Variants in CGNL1 observed in about 807,000 individuals in gnomAD.
CGNL1 encodes the protein cingulin like 1.
Under a neutral mutation model 141.2 loss-of-function variants are expected in CGNL1, and 132 were observed. That is an observed-to-expected ratio of 0.93 (90% confidence interval 0.81 to 1.08). The LOEUF (loss-of-function observed/expected upper bound fraction) is 1.08. CGNL1 is among the 50% of genes least tolerant of loss of function. The pLI, the probability that CGNL1 is intolerant of heterozygous loss-of-function variation, is 0.00. For missense variants in CGNL1, 1,870 were observed against 1,588.6 expected (o/e 1.18, Z -3.01); for synonymous variants, 690 against 622.1 (o/e 1.11, Z -1.63).
intron 14 of CGNL1, among the ~76,000 whole-genome samples, chr15:57,537,675 A>T (rs1432554182): frequency 2.0e-5 from 3 of 152,202 alleles, no homozygotes; most frequent in Non-Finnish European, 4.4e-5. Context: ...GCTTTCCATT[A>T]ACCCAAAAGG....
chr15:57,530,383 T>C (rs1463940991), intron 13 of CGNL1, among the ~76,000 whole-genome samples: 3 of 152,242 alleles, frequency 2.0e-5, no homozygotes. Context: ...CCTGCTACCA[T>C]GAGATGCGCT....
intron 12 of CGNL1, 33 bp from the exon 13 acceptor site, chr15:57,528,621 C>G: frequency 6.2e-7 from 1 of 1,611,184 alleles, no homozygotes. Flanking sequence ...TTGATGCACC[C>G]CAGAAAACCA....
chr15:57,523,187 C>G (rs1433271343), intron 10 of CGNL1, among the ~76,000 whole-genome samples: 3 of 152,184 alleles, frequency 2.0e-5, no homozygotes. Context: ...TTCAGGTTTT[C>G]AGACACCATC....
Position 57,524,828 on chromosome 15 carries a change from A to T in CGNL1, c.3039+77A>T, listed in dbSNP as rs535368374. 7.1e-5 allele frequency: 101 copies of T among 1,421,732 alleles called. No homozygotes were observed. In the Admixed American group the frequency reaches 1.2e-3, roughly 17 times the overall value. The allele number at this position is 1,421,732 out of a possible 1,614,324, so 88.1% of individuals were successfully genotyped here. On this transcript the variant is annotated intron_variant, in intron 12 of 18. Transcript: ENST00000281282. ...TTGCCCTGAAAGTCTTCTGTGAGGG[A>T]CTTGGGGGTAGATTCGTGAGACAGC...
At chr15:57,408,382 C>G (rs995961234) in intron 1 of CGNL1, among the ~76,000 whole-genome samples, 4 of 152,102 alleles carry the variant, frequency 2.6e-5, no homozygotes, top group African/African-American at 4.8e-5. Flanking sequence ...AGAGACAAAT[C>G]TTTCCACAAA....
intron 13 of CGNL1, among the ~76,000 whole-genome samples, chr15:57,531,067 T>C (rs2031925594): frequency 6.6e-6 from 1 of 152,206 alleles, no homozygotes; most frequent in Non-Finnish European, 1.5e-5. Context: ...TGCTTTGAAA[T>C]GTTTTTCTCT....
Position 57,442,601 on chromosome 15 carries a change from A to T in CGNL1, c.1803+123A>T, listed in dbSNP as rs149594654. On this transcript the variant is annotated intron_variant, in intron 4 of 18. Transcript: ENST00000281282. ...GTGGGAAGTTGCCTGAGTAGTGAGG[A>T]GTACTCTTCATGTTTTACATGTTGC... 1.2e-3 allele frequency: 725 copies of T among 584,678 alleles called. 16 individuals carry two copies. In the East Asian group the frequency reaches 0.02, roughly 16 times the overall value. 36.2% of individuals were successfully genotyped at this position (584,678 alleles called of 1,614,324 possible). A position where few individuals can be genotyped will look rare whatever the true frequency, so the allele number is the denominator to read the frequency against.
At chr15:57,480,700 T>C (rs780734729) in intron 8 of CGNL1, among the ~76,000 whole-genome samples, 2 of 152,056 alleles carry the variant, frequency 1.3e-5, no homozygotes, top group Non-Finnish European at 2.9e-5. Flanking sequence ...ATGACCCATA[T>C]CCCGTCTTTC....
chr15:57,378,637 C>A (rs1004723652), intron 1 of CGNL1, among the ~76,000 whole-genome samples: 2 of 151,966 alleles, frequency 1.3e-5, no homozygotes, highest in Non-Finnish European at 2.9e-5. Flanking sequence ...CCCACCTCGG[C>A]CTCTCAAAGT....
chr15:57,465,454 G>C (rs949793488), intron 8 of CGNL1, among the ~76,000 whole-genome samples: 4 of 129,364 alleles, frequency 3.1e-5, no homozygotes, highest in Non-Finnish European at 6.2e-5. Flanking sequence ...GAAGTAAAAT[G>C]ATCTCGTCTC....
rs1049888374 is a variant in CGNL1, at chr15:57,515,676, C to A, written c.2404-1104C>A. Among the ~76,000 whole-genome samples the A allele has an allele frequency of 3.9e-5, 6 of 152,266 alleles. No homozygotes were observed. In the East Asian group the frequency reaches 1.2e-3, roughly 29 times the overall value. ...AATTGCTAAACCGAAGAATACAAAG[C>A]CCCTGTGACCTCTGGAATCAACAAT... is the stretch of plus-strand genomic sequence containing the variant. On this transcript the variant is annotated intron_variant, in intron 8 of 18. Coordinates refer to ENST00000281282, the MANE Select transcript of CGNL1 (RefSeq NM_032866.5).
chr15:57,423,723 CT>C, intron 1 of CGNL1, among the ~76,000 whole-genome samples: 1 of 152,336 alleles, frequency 6.6e-6, no homozygotes, highest in African/African-American at 2.4e-5. Flanking sequence ...TCGCATCCCC[CT>C]GGTCGCTCCT....
chr15:57,496,850 A>G (rs1427390908), intron 8 of CGNL1, among the ~76,000 whole-genome samples: 1 of 152,176 alleles, frequency 6.6e-6, no homozygotes, highest in Admixed American at 6.5e-5. Flanking sequence ...GAGCCCATAC[A>G]TTCAAGACTT....
intron 1 of CGNL1, among the ~76,000 whole-genome samples, chr15:57,421,514 G>A (rs1825530892): frequency 6.6e-6 from 1 of 152,050 alleles, no homozygotes; most frequent in Admixed American, 6.5e-5. Context: ...AAGAGCTCCA[G>A]GTTAAGGGTC....
chr15:57,533,060 G>A (rs1381082981), intron 14 of CGNL1, among the ~76,000 whole-genome samples: 2 of 152,186 alleles, frequency 1.3e-5, no homozygotes, highest in African/African-American at 4.8e-5. Flanking sequence ...AAAGTAGAAC[G>A]TGAATCCCTG....
intron 8 of CGNL1, among the ~76,000 whole-genome samples, chr15:57,471,723 C>G (rs1158491920): frequency 6.6e-6 from 1 of 152,168 alleles, no homozygotes; most frequent in East Asian, 1.9e-4. Context: ...TAGGCTCAAA[C>G]CACTCAGATT....
chr15:57,400,774 T>G (rs547543483), intron 1 of CGNL1, among the ~76,000 whole-genome samples: 167 of 151,380 alleles, frequency 1.1e-3, no homozygotes, highest in African/African-American at 3.9e-3. Flanking sequence ...TCCCAGTTAC[T>G]TGGGAGGCTG....
At chr15:57,432,988 G>A (rs1209209420) in intron 1 of CGNL1, among the ~76,000 whole-genome samples, 2 of 151,800 alleles carry the variant, frequency 1.3e-5, no homozygotes, top group Admixed American at 6.5e-5. Flanking sequence ...TCCTGCACAA[G>A]AATTTTACTA....
At chr15:57,427,472 A>T (rs1258404020) in intron 1 of CGNL1, among the ~76,000 whole-genome samples, 1 of 152,116 alleles carries the variant, frequency 6.6e-6, no homozygotes, top group Non-Finnish European at 1.5e-5. Flanking sequence ...ACGCCCAGGG[A>T]GCTGGGAAGG....
Sources: allele counts gnomAD v4.1 joint callset (sites outside exome capture counted in the v4.1 genomes callset), GRCh38; gene constraint gnomAD v4.1.1; transcripts MANE v1.5; gene names NCBI Gene and HGNC (gene_info 2026-07-23, HGNC 2026-07-21).